Variants in RNF216 observed in about 807,000 individuals in gnomAD.
RNF216 encodes the protein E3 ubiquitin-protein ligase RNF216.
A neutral mutation model predicts 110.8 loss-of-function variants in RNF216; 72 were observed. That is an observed-to-expected ratio of 0.65 (90% CI 0.54 to 0.79). The LOEUF is 0.79. Ranked by LOEUF, RNF216 falls within the 30% of genes least tolerant of loss-of-function variation. RNF216 has a pLI of 0.00. For missense variants in RNF216, 1,342 were observed against 1,141.2 expected (o/e 1.18, Z -2.54); for synonymous variants, 495 against 407.5 (o/e 1.21, Z -2.59).
At chr7:5,681,473 C>T (rs1261742243) in intron 13 of RNF216, among the ~76,000 whole-genome samples, 3 of 152,188 alleles carry the variant, frequency 2.0e-5, no homozygotes, top group African/African-American at 7.2e-5. Context: ...GTAGCCCTGA[C>T]CCAGTGTGCC....
intron 13 of RNF216, among the ~76,000 whole-genome samples, chr7:5,688,817 A>G (rs945089611): frequency 2.0e-5 from 3 of 152,162 alleles, no homozygotes; most frequent in Non-Finnish European, 4.4e-5. Flanking sequence ...TTAGTGAAAG[A>G]GTTGCTCTTA....
chr7:5,684,074 GTT>G, intron 13 of RNF216, among the ~76,000 whole-genome samples: 1 of 138,046 alleles, frequency 7.2e-6, no homozygotes, highest in African/African-American at 2.7e-5. Context: ...TGGGACCAGT[GTT>G]TCCACAAGCT....
intron 14 of RNF216, among the ~76,000 whole-genome samples, chr7:5,650,427 A>T (rs1197608616): frequency 6.6e-6 from 1 of 152,174 alleles, no homozygotes; most frequent in African/African-American, 2.4e-5. Context: ...TCCAAGAAAC[A>T]TCTCACAGCC....
chr7:5,678,609 T>G (rs1300686374), intron 13 of RNF216, among the ~76,000 whole-genome samples: 1 of 151,982 alleles, frequency 6.6e-6, no homozygotes, highest in Non-Finnish European at 1.5e-5. Context: ...ATAAAAGGAG[T>G]GCTTATAAGG....
At chr7:5,695,396 C>T (rs1791562181) in intron 13 of RNF216, among the ~76,000 whole-genome samples, 1 of 152,116 alleles carries the variant, frequency 6.6e-6, no homozygotes, top group African/African-American at 2.4e-5. Flanking sequence ...GAGGGCCCGG[C>T]AGAAGCGCCA....
At position 5,626,817 on chromosome 7, in the gene RNF216, A is replaced by G. The variant is rs117289428; in HGVS notation, c.2383-2692T>C. ...TCATCTGTAAATGGGCTGCTTTGTT[A>G]AGGACTGAATGAGCTCAAGTATGTA... On this transcript the variant is annotated intron_variant, in intron 15 of 16. Transcript: ENST00000389902. Among the ~76,000 whole-genome samples the G allele has an allele frequency of 2.6e-5, 4 of 152,310 alleles. No individual in the cohort carries two copies. The East Asian group carries it at 7.7e-4, about 29-fold the overall frequency.
intron 6 of RNF216, 131 bp from the exon 7 acceptor site, chr7:5,729,727 C>G: frequency 1.3e-6 from 1 of 775,592 alleles, no homozygotes; most frequent in South Asian, 1.9e-5. Context: ...AAGTTACCAG[C>G]CCTATAAGAC....
chr7:5,747,858 A>C (rs1795116971), intron 3 of RNF216, among the ~76,000 whole-genome samples: 1 of 151,968 alleles, frequency 6.6e-6, no homozygotes, highest in Non-Finnish European at 1.5e-5. Flanking sequence ...AGCTCACTAC[A>C]GCCTTGAATT....
intron 8 of RNF216, among the ~76,000 whole-genome samples, chr7:5,725,087 A>C (rs560829458): frequency 6.6e-6 from 1 of 152,272 alleles, no homozygotes; most frequent in Admixed American, 6.5e-5. Flanking sequence ...GAATTTTCTA[A>C]CACCACACAA....
intron 13 of RNF216, among the ~76,000 whole-genome samples, chr7:5,700,875 C>T (rs1238120053): frequency 6.6e-6 from 1 of 152,160 alleles, no homozygotes; most frequent in Admixed American, 6.5e-5. Context: ...CCCAATGCAC[C>T]AAGAAGACAA....
chr7:5,744,669 G>A (rs564388516), intron 3 of RNF216, among the ~76,000 whole-genome samples: 98 of 152,102 alleles, frequency 6.4e-4, no homozygotes, highest in Middle Eastern at 3.4e-3. Flanking sequence ...AACAACCCTC[G>A]AAGAAATAAA....
chr7:5,774,195 T>C (rs1584624899), intron 1 of RNF216, among the ~76,000 whole-genome samples: 1 of 152,030 alleles, frequency 6.6e-6, no homozygotes, highest in East Asian at 1.9e-4. Flanking sequence ...TGGTTTCCCA[T>C]TTAGTCAATC....
In RNF216 at chr7:5,653,173, C is replaced by G. The variant is rs1049190746; in HGVS notation, c.2062-663G>C. Among the ~76,000 whole-genome samples the G allele has an allele frequency of 3.9e-5, 6 of 152,148 alleles. 1 individual carries two copies. The highest frequency in any genetic ancestry group is 8.8e-5 in the Non-Finnish European group (6 of 68,018). On this transcript the variant is annotated intron_variant, in intron 13 of 16. Transcript: ENST00000389902. ...GCTCATCACTCATCGGCATGGATGT[C>G]ACCCTTAAAAGTTTCACTTCATATA...
intron 9 of RNF216, among the ~76,000 whole-genome samples, chr7:5,718,429 T>C (rs1379436004): frequency 6.6e-6 from 1 of 152,214 alleles, no homozygotes; most frequent in Non-Finnish European, 1.5e-5. Context: ...AAAAGCTAGA[T>C]ATTTCTGAAT....
chr7:5,643,004 C>T lies in RNF216; in HGVS notation c.2160-1628G>A, dbSNP rs1335438669. On this transcript the variant is annotated intron_variant, in intron 14 of 16. Transcript: ENST00000389902. Reference sequence around the variant, plus strand: ...TAAGGTTACAGTCTTTTCATGAAGGCTTGGAAAGAGGGTCTATTTGCTTGC... The same window carrying T: ...TAAGGTTACAGTCTTTTCATGAAGGTTTGGAAAGAGGGTCTATTTGCTTGC... Among the ~76,000 whole-genome samples the T allele has an allele frequency of 2.0e-5, 3 of 152,082 alleles. No homozygotes were observed. In the East Asian group the frequency reaches 5.8e-4, roughly 29 times the overall value.
intron 5 of RNF216, among the ~76,000 whole-genome samples, chr7:5,733,376 T>G (rs528311713): frequency 5.9e-5 from 9 of 152,234 alleles, no homozygotes; most frequent in Non-Finnish European, 1.3e-4. Flanking sequence ...ACTCAGGAAG[T>G]AGGAGAACAG....
At chr7:5,768,242 G>A (rs1417690322) in intron 1 of RNF216, among the ~76,000 whole-genome samples, 1 of 150,382 alleles carries the variant, frequency 6.6e-6, no homozygotes, top group East Asian at 1.9e-4. Context: ...CTTGAGCCCA[G>A]GAGTTTAAGA....
At position 5,620,598 on chromosome 7, in the gene RNF216, C is replaced by A; in HGVS notation, c.*2262G>T. On this transcript the variant is annotated 3_prime_UTR_variant, in exon 17 of 17. Transcript: ENST00000389902. ...GGATCCTCAGGAATCAGGGACCCTC[C>A]AAGGAAAGAGGCCGCCGCTCCTTCC... The A allele has an allele frequency of 6.6e-6, 1 of 152,496 alleles. No homozygotes were observed. The highest frequency in any genetic ancestry group is 1.5e-5 in the Non-Finnish European group (1 of 68,166). The allele number at this position is 152,496 out of a possible 1,614,324, so 9.4% of individuals were successfully genotyped here. A position where few individuals can be genotyped will look rare whatever the true frequency, so the allele number is the denominator to read the frequency against.
Position 5,696,967 on chromosome 7 carries a change from T to C in RNF216, c.2061+14794A>G, listed in dbSNP as rs1029510945. Among the ~76,000 whole-genome samples, 3 of 152,108 alleles carry C rather than the reference T, an allele frequency of 2.0e-5. No individual in the cohort carries two copies. The highest frequency in any genetic ancestry group is 4.8e-5 in the African/African-American group (2 of 41,428). ...ACAAGCAGCATGTGATCCCACTGTG[T>C]CCCTCCATTACGCCAGCAACAGCTC... On this transcript the variant is annotated intron_variant, in intron 13 of 16. Coordinates refer to ENST00000389902, the MANE Select transcript of RNF216 (RefSeq NM_207111.4). This position sits in a 1 kb window ranked among gnomAD's most constrained non-coding sequence, Gnocchi z 5.4.
Sources: allele counts gnomAD v4.1 joint callset (sites outside exome capture counted in the v4.1 genomes callset), GRCh38; gene constraint gnomAD v4.1.1; non-coding constraint Gnocchi (gnomAD v3.1); transcripts MANE v1.5; gene names NCBI Gene and HGNC (gene_info 2026-07-23, HGNC 2026-07-21).